The following CSMD3 variants were observed in gnomAD, a reference collection of about 807,000 sequenced individuals.
The protein encoded by CSMD3 is CUB and Sushi multiple domains 3, also known as CUB and sushi domain-containing protein 3.
In CSMD3, 177 loss-of-function variants were observed where a neutral mutation model predicts 435.2. That is an observed-to-expected ratio of 0.41 (90% CI 0.36 to 0.46). CSMD3 has a LOEUF of 0.46. CSMD3 is among the 20% of genes least tolerant of loss of function. The pLI is 0.34. For missense variants in CSMD3, 4,265 were observed against 4,504.6 expected (o/e 0.95, Z 1.52); for synonymous variants, 1,656 against 1,520.5 (o/e 1.09, Z -2.07).
intron 1 of CSMD3, among the ~76,000 whole-genome samples, chr8:113,421,845 C>T (rs548401555): frequency 5.4e-4 from 82 of 152,258 alleles, no homozygotes; most frequent in African/African-American, 1.9e-3. Context: ...AAAGATTAAC[C>T]ACTAATGAAG....
chr8:112,308,812 C>T (rs1821686703), intron 50 of CSMD3, among the ~76,000 whole-genome samples: 1 of 151,930 alleles, frequency 6.6e-6, no homozygotes, highest in South Asian at 2.1e-4. Flanking sequence ...AACTTTATAG[C>T]TCAAGTAAAT....
intron 30 of CSMD3, among the ~76,000 whole-genome samples, chr8:112,496,894 A>G (rs1276946175): frequency 2.0e-5 from 3 of 152,180 alleles, no homozygotes; most frequent in Admixed American, 6.5e-5. Context: ...TGATAGCACA[A>G]CAGGGCAACT....
chr8:112,914,561 A>G (rs1192181908), intron 10 of CSMD3, among the ~76,000 whole-genome samples: 1 of 151,532 alleles, frequency 6.6e-6, no homozygotes, highest in African/African-American at 2.4e-5. Flanking sequence ...CCAAAATGTC[A>G]TAAATTCTGA....
At chr8:113,411,947 T>A (rs911072979) in intron 1 of CSMD3, among the ~76,000 whole-genome samples, 1 of 152,094 alleles carries the variant, frequency 6.6e-6, no homozygotes, top group Non-Finnish European at 1.5e-5. Flanking sequence ...AATACGTGAG[T>A]TGAAATCTTG....
rs16884067 is a variant in CSMD3 at position 112,759,100 on chromosome 8, C to T, written c.1972+41062G>A. On this transcript the variant is annotated intron_variant, in intron 13 of 70. Transcript: ENST00000297405. ...TTTATAGTTTTGCATTACTCTATTA[C>T]ACAAGCTTTGGTTTAATTAAGGCAA... Among the ~76,000 whole-genome samples the T allele has an allele frequency of 4.6e-3, 694 of 152,180 alleles. 14 individuals carry two copies. The East Asian group carries it at 0.074, about 16-fold the overall frequency.
chr8:112,921,755 A>T lies in CSMD3; in HGVS notation c.1509-4T>A, dbSNP rs1209187029. The T allele has an allele frequency of 6.2e-7, 1 of 1,603,908 alleles. No individual in the cohort carries two copies. Among genetic ancestry groups the T allele is most frequent in the Non-Finnish European group, 8.5e-7 (1 of 1,171,274 alleles). On this transcript the variant is annotated splice_region_variant and splice_polypyrimidine_tract_variant and intron_variant, in intron 9 of 70. Transcript: ENST00000297405. ...GAACTGCACAGTTGATCCAAGGCTAAAGTTAAATAAAAGAGAAAAAATATG... is the reference window on the plus strand; with the variant it reads ...GAACTGCACAGTTGATCCAAGGCTATAGTTAAATAAAAGAGAAAAAATATG...
Position 112,341,675 on chromosome 8 carries a change from G to A in CSMD3, c.6454C>T (p.Gln2152Ter), listed in dbSNP as rs2130993837. 6.3e-7 allele frequency: 1 copy of A among 1,599,326 alleles called. No homozygotes were observed. The highest frequency in any genetic ancestry group is 1.1e-5 in the South Asian group (1 of 90,704). Reference sequence around the variant, plus strand: ...GTTTCTGTAGAAAAATTTACAAACTGGAGATGTACACCTGAAGAAGAAAAC... The same window carrying A: ...GTTTCTGTAGAAAAATTTACAAACTAGAGATGTACACCTGAAGAAGAAAAC... ...NLPIGFGVHL[Q>*]FVNFSTETIH... The change falls in exon 42 of 71, where the codon CAG becomes TAG. Residue 2152 changes from glutamine to a stop codon, truncating the protein, a stop_gained. Coordinates refer to ENST00000297405, the MANE Select transcript of CSMD3 (RefSeq NM_198123.2). LOFTEE classifies it high-confidence loss of function.
At chr8:112,745,426 A>C (rs1326662301) in intron 13 of CSMD3, among the ~76,000 whole-genome samples, 1 of 152,140 alleles carries the variant, frequency 6.6e-6, no homozygotes, top group African/African-American at 2.4e-5. Flanking sequence ...AATGTAAAAA[A>C]ATAAGTAAAT....
chr8:112,448,561 G>T (rs999995246), intron 32 of CSMD3, among the ~76,000 whole-genome samples: 1 of 152,114 alleles, frequency 6.6e-6, no homozygotes, highest in African/African-American at 2.4e-5. Flanking sequence ...AAACTAGGAA[G>T]AGACAAGAAA....
intron 5 of CSMD3, among the ~76,000 whole-genome samples, chr8:113,071,540 CA>C (rs896543249): frequency 4.6e-5 from 7 of 151,472 alleles, no homozygotes; most frequent in African/African-American, 1.7e-4. Context: ...CGTGTAGATA[CA>C]TTTTTTTATA....
chr8:112,877,559 T>A (rs142435226), intron 10 of CSMD3, among the ~76,000 whole-genome samples: 1 of 151,954 alleles, frequency 6.6e-6, no homozygotes, highest in Non-Finnish European at 1.5e-5. Context: ...TGAGCCACCA[T>A]GTCTGACCTT....
intron 32 of CSMD3, among the ~76,000 whole-genome samples, chr8:112,418,415 T>C (rs763403479): frequency 6.6e-6 from 1 of 152,136 alleles, no homozygotes; most frequent in Non-Finnish European, 1.5e-5. Flanking sequence ...TTTAAATCAG[T>C]AACATACACT....
At chr8:113,312,260 T>G (rs2093875369) in intron 2 of CSMD3, 1 of 152,122 alleles carries the variant, frequency 6.6e-6, no homozygotes, top group Admixed American at 6.5e-5. Flanking sequence ...AAAATGATGA[T>G]GATAATAGTA....
intron 3 of CSMD3, among the ~76,000 whole-genome samples, chr8:113,221,385 G>A (rs942984586): frequency 6.2e-4 from 74 of 119,022 alleles, no homozygotes; most frequent in African/African-American, 2.6e-3. Flanking sequence ...ACACACACAC[G>A]GAGGTAAGGA....
chr8:113,420,906 C>T (rs1037718915), intron 1 of CSMD3, among the ~76,000 whole-genome samples: 1 of 151,174 alleles, frequency 6.6e-6, no homozygotes, highest in African/African-American at 2.4e-5. Context: ...CTGAGATCGC[C>T]CCATTGCACT....
At chr8:112,273,569 C>CA (rs980127990) in intron 59 of CSMD3, among the ~76,000 whole-genome samples, 25 of 150,902 alleles carry the variant, frequency 1.7e-4, no homozygotes, top group East Asian at 9.8e-4. Context: ...ACTAAAAATA[C>CA]AAAAAAAATA....
At chr8:112,623,105 T>C (rs1223973474) in intron 22 of CSMD3, among the ~76,000 whole-genome samples, 1 of 152,080 alleles carries the variant, frequency 6.6e-6, no homozygotes, top group Non-Finnish European at 1.5e-5. Flanking sequence ...TAAGACCTAT[T>C]CATCATTGTA....
rs962253109 is a variant in CSMD3, at chr8:112,419,648, C to A, written c.5396-10616G>T. ...TTCAGATTTCTCTAAAGCTAGATTT[C>A]TGTCTGTATTGTGACCATTTGCCTA... On this transcript the variant is annotated intron_variant, in intron 32 of 70. Transcript: ENST00000297405. Among the ~76,000 whole-genome samples the A allele has an allele frequency of 3.9e-5, 6 of 152,274 alleles. No individual in the cohort carries two copies. In the East Asian group the frequency reaches 7.7e-4, roughly 20 times the overall value.
At chr8:113,132,775 G>GT (rs1300839810) in intron 4 of CSMD3, among the ~76,000 whole-genome samples, 11 of 152,262 alleles carry the variant, frequency 7.2e-5, no homozygotes, top group African/African-American at 2.6e-4. Context: ...CAATGAGACT[G>GT]TGCATTGGGA....
Sources: gnomAD v4.1 joint callset for allele counts (sites outside exome capture counted in the v4.1 genomes callset) on GRCh38, gnomAD v4.1.1 for gene constraint, MANE v1.5 for transcripts, NCBI Gene and HGNC (gene_info 2026-07-23, HGNC 2026-07-21) for gene names.